Variants in SDK1 observed in about 807,000 individuals in gnomAD.
SDK1 encodes the protein protein sidekick-1.
Under a neutral mutation model 245.5 loss-of-function variants are expected in SDK1, and 157 were observed. The ratio of observed to expected loss-of-function variants is 0.64; its 90% CI spans 0.56 to 0.73. The LOEUF is 0.73. Ranked by LOEUF, SDK1 falls within the 30% of genes least tolerant of loss-of-function variation. The pLI is 0.00. For missense variants in SDK1, 3,583 were observed against 3,002.3 expected (o/e 1.19, Z -4.52); for synonymous variants, 1,647 against 1,278.5 (o/e 1.29, Z -6.15).
At chr7:3,704,136 A>G in intron 4 of SDK1, among the ~76,000 whole-genome samples, 1 of 152,062 alleles carries the variant, frequency 6.6e-6, no homozygotes. Context: ...GTGAGAACAT[A>G]TGGTATTTAG....
chr7:3,781,809 G>A (rs1780752763), intron 4 of SDK1, among the ~76,000 whole-genome samples: 1 of 152,202 alleles, frequency 6.6e-6, no homozygotes, highest in Non-Finnish European at 1.5e-5. Context: ...AGAAGACACT[G>A]TCGAGCAGAA....
intron 35 of SDK1, among the ~76,000 whole-genome samples, chr7:4,203,523 ATTTT>A (rs150885926): frequency 1.6e-4 from 20 of 122,934 alleles, no homozygotes; most frequent in South Asian, 1.4e-3. Flanking sequence ...AATTTCATGT[ATTTT>A]TTTTTTAAAA....
intron 22 of SDK1, among the ~76,000 whole-genome samples, chr7:4,103,947 C>G (rs1782744496): frequency 6.6e-6 from 1 of 152,276 alleles, no homozygotes; most frequent in African/African-American, 2.4e-5. Flanking sequence ...AAGTGGCCAG[C>G]AGCCGCACAA....
In SDK1 at chr7:3,898,142, C is replaced by CCTGA. The variant is rs1311510536; in HGVS notation, c.848-52780_848-52777dup. Among the ~76,000 whole-genome samples, 3 of 152,128 alleles carry CCTGA rather than the reference C, an allele frequency of 2.0e-5. No individual in the cohort carries two copies. The East Asian group carries it at 5.8e-4, about 29-fold the overall frequency. ...ATGAATGTAACCTGAGTTGAAGTGGCCTGAATAGAAGAACAGAAGTGCAGA... is the reference window on the plus strand; with the variant it reads ...ATGAATGTAACCTGAGTTGAAGTGGCCTGACTGAATAGAAGAACAGAAGTGCAGA... On this transcript the variant is annotated intron_variant, in intron 5 of 44. Transcript: ENST00000404826.
intron 35 of SDK1, among the ~76,000 whole-genome samples, chr7:4,192,299 G>A (rs574675358): frequency 2.5e-4 from 38 of 151,112 alleles, no homozygotes; most frequent in Non-Finnish European, 2.6e-4. Context: ...TTATTGAGAC[G>A]GAGTCTCACT....
At chr7:3,390,503 C>T (rs920058198) in intron 1 of SDK1, among the ~76,000 whole-genome samples, 4 of 152,054 alleles carry the variant, frequency 2.6e-5, no homozygotes, top group Admixed American at 2.6e-4. Flanking sequence ...GTTATTTTCA[C>T]CTATGAATGT....
At chr7:3,403,990 T>C (rs934405789) in intron 1 of SDK1, among the ~76,000 whole-genome samples, 2 of 150,702 alleles carry the variant, frequency 1.3e-5, no homozygotes, top group African/African-American at 4.9e-5. Flanking sequence ...AATTTTGTGG[T>C]TTCCCAGTGC....
chr7:4,232,407 CTTTCTT>C (rs1317161199), intron 40 of SDK1, among the ~76,000 whole-genome samples: 4 of 73,190 alleles, frequency 5.5e-5, no homozygotes, highest in East Asian at 3.5e-4. Context: ...CTTTTCTTTT[CTTTCTT>C]TTTTTTTTTT....
chr7:4,074,525 G>A (rs1215282041), intron 20 of SDK1, among the ~76,000 whole-genome samples: 4 of 152,068 alleles, frequency 2.6e-5, no homozygotes, highest in African/African-American at 7.2e-5. Flanking sequence ...TGTCTTAGAC[G>A]TCAGGGTGGG....
chr7:3,681,284 C>T (rs1045939064), intron 4 of SDK1, among the ~76,000 whole-genome samples: 13 of 152,094 alleles, frequency 8.5e-5, no homozygotes, highest in African/African-American at 1.7e-4. Context: ...TTGTAGCATT[C>T]GTATTTGTTC....
chr7:4,244,474 C>G (rs1786715919), intron 43 of SDK1, among the ~76,000 whole-genome samples: 1 of 152,206 alleles, frequency 6.6e-6, no homozygotes, highest in Admixed American at 6.5e-5. Flanking sequence ...GAGTTTTTCC[C>G]CAAGTTCTGA....
At chr7:3,806,801 C>CAGTT (rs10657276) in intron 4 of SDK1, among the ~76,000 whole-genome samples, 53,347 of 151,682 alleles carry the variant, frequency 0.35, 10,470 homozygotes, top group African/African-American at 0.53. Flanking sequence ...GTGGTGGAGA[C>CAGTT]GGGAAAAGTA....
intron 1 of SDK1, among the ~76,000 whole-genome samples, chr7:3,325,097 G>C (rs1308088582): frequency 1.3e-5 from 2 of 151,922 alleles, no homozygotes; most frequent in East Asian, 3.9e-4. Flanking sequence ...AGATCTTAAA[G>C]TTCTCTACCA....
intron 35 of SDK1, among the ~76,000 whole-genome samples, chr7:4,203,934 T>C (rs1784040768): frequency 6.6e-6 from 1 of 152,244 alleles, no homozygotes; most frequent in Non-Finnish European, 1.5e-5. Context: ...GTCATGGGCC[T>C]TTGCCCAGCT....
chr7:3,303,146 C>T (rs1046230330), intron 1 of SDK1, among the ~76,000 whole-genome samples: 1 of 152,154 alleles, frequency 6.6e-6, no homozygotes, highest in Non-Finnish European at 1.5e-5. Flanking sequence ...AATTTAACTC[C>T]TCCATTACTT....
chr7:3,319,878 C>CTTTTTTTTGTTTTTTTTTTTTT (rs1779755281), intron 1 of SDK1, among the ~76,000 whole-genome samples: 1 of 88,102 alleles, frequency 1.1e-5, no homozygotes, highest in Non-Finnish European at 2.2e-5. Flanking sequence ...CATTCTTAGT[C>CTTTTTTTTGTTTTTTTTTTTTT]TTTTTTTTTT....
intron 4 of SDK1, among the ~76,000 whole-genome samples, chr7:3,811,795 C>G (rs1779391241): frequency 6.6e-6 from 1 of 152,220 alleles, no homozygotes. Flanking sequence ...ACGCCACCTG[C>G]AGAAGCAGCC....
intron 5 of SDK1, among the ~76,000 whole-genome samples, chr7:3,885,613 CG>C (rs1420659556): frequency 5.9e-5 from 9 of 152,128 alleles, no homozygotes; most frequent in Non-Finnish European, 1.5e-5. Context: ...GGGAGAATTT[CG>C]TGTGTCTCTG....
chr7:3,679,482 G>T (rs1024164145), intron 4 of SDK1, among the ~76,000 whole-genome samples: 1 of 152,172 alleles, frequency 6.6e-6, no homozygotes, highest in Non-Finnish European at 1.5e-5. Context: ...CAGGAGAATG[G>T]CGTGAACCCG....
Sources: gnomAD v4.1 joint callset for allele counts (sites outside exome capture counted in the v4.1 genomes callset) on GRCh38, gnomAD v4.1.1 for gene constraint, MANE v1.5 for transcripts, NCBI Gene and HGNC (gene_info 2026-07-23, HGNC 2026-07-21) for gene names.